NWD2: variants seen among roughly 807,000 people sequenced by gnomAD.
NWD2 encodes the protein NACHT and WD repeat domain containing 2, also known as NACHT and WD repeat domain-containing protein 2.
NWD2 carries 37 observed loss-of-function variants against 132.7 expected under a neutral mutation model. That is an observed-to-expected ratio of 0.28 (90% CI 0.21 to 0.37). The LOEUF is 0.37. Among genes scored for constraint, NWD2 ranks in the 10% least tolerant of loss-of-function variants. NWD2 has a pLI of 1.00. For synonymous variants in NWD2, 705 were observed against 803.0 expected (o/e 0.88, Z 2.06); for missense variants, 1,592 against 2,122.4 (o/e 0.75, Z 4.91).
intron 1 of NWD2, among the ~76,000 whole-genome samples, chr4:37,275,057 A>G (rs1349544951): frequency 2.0e-5 from 3 of 152,182 alleles, no homozygotes; most frequent in Non-Finnish European, 2.9e-5. Flanking sequence ...CCTATTCAAC[A>G]TAGTGTTGGA....
chr4:37,346,097 A>C (rs1719631109), intron 2 of NWD2, among the ~76,000 whole-genome samples: 1 of 152,028 alleles, frequency 6.6e-6, no homozygotes, highest in East Asian at 1.9e-4. Context: ...AAAAAAAAAA[A>C]AACCTACTAC....
At chr4:37,357,694 G>T (rs956158953) in intron 3 of NWD2, among the ~76,000 whole-genome samples, 3 of 152,078 alleles carry the variant, frequency 2.0e-5, no homozygotes, top group Non-Finnish European at 4.4e-5. Context: ...TGGGTGGAAG[G>T]GGGAGAGGGC....
chr4:37,274,270 A>G (rs1717940294), intron 1 of NWD2, among the ~76,000 whole-genome samples: 1 of 152,202 alleles, frequency 6.6e-6, no homozygotes, highest in Admixed American at 6.5e-5. Context: ...TCCCACAGAA[A>G]TACAAACTAC....
chr4:37,296,160 A>G (rs1718484543), intron 1 of NWD2, among the ~76,000 whole-genome samples: 1 of 152,128 alleles, frequency 6.6e-6, no homozygotes, highest in Non-Finnish European at 1.5e-5. Flanking sequence ...AATAGATTTC[A>G]CCATTTCACG....
At chr4:37,357,157 T>C (rs755733301) in intron 3 of NWD2, among the ~76,000 whole-genome samples, 4 of 146,318 alleles carry the variant, frequency 2.7e-5, no homozygotes, top group Non-Finnish European at 6.2e-5. Flanking sequence ...TTAATTTAGC[T>C]TAAGAAAGAC....
intron 1 of NWD2, among the ~76,000 whole-genome samples, chr4:37,245,539 G>T (rs2889380): frequency 0.16 from 23,558 of 147,232 alleles, 2,015 homozygotes; most frequent in Admixed American, 0.23. Context: ...ACCACCTCCT[G>T]TCCCCCGCCC....
intron 3 of NWD2, among the ~76,000 whole-genome samples, chr4:37,394,223 T>G (rs1720734609): frequency 6.6e-6 from 1 of 152,270 alleles, no homozygotes; most frequent in Non-Finnish European, 1.5e-5. Context: ...GCATCTGTTT[T>G]CATCGTAAGA....
chr4:37,402,858 C>G (rs1310542415), intron 3 of NWD2, among the ~76,000 whole-genome samples: 1 of 152,168 alleles, frequency 6.6e-6, no homozygotes, highest in Admixed American at 6.5e-5. Flanking sequence ...TCACTATTGT[C>G]TTTTGTCAGC....
At chr4:37,342,459 G>A (rs905937599) in intron 2 of NWD2, among the ~76,000 whole-genome samples, 1 of 152,094 alleles carries the variant, frequency 6.6e-6, no homozygotes, top group African/African-American at 2.4e-5. Flanking sequence ...TTCCTTTATA[G>A]CAACACAGAA....
At position 37,439,550 on chromosome 4, in the gene NWD2, G is replaced by A. The variant is rs752819972; in HGVS notation, c.1296+160G>A. On this transcript the variant is annotated intron_variant, in intron 6 of 6. Transcript: ENST00000309447. This position sits in a 1 kb window ranked among gnomAD's most constrained non-coding sequence, Gnocchi z 4.5. ...GTGCTTCTTTTTTGCTGGTATAACA[G>A]TTATATTGAGAGAGCAAAACTCATG... Among the ~76,000 whole-genome samples, 2 of 152,182 alleles carry A rather than the reference G, an allele frequency of 1.3e-5. No homozygotes were observed. The highest frequency in any genetic ancestry group is 2.9e-5 in the Non-Finnish European group (2 of 68,036).
At chr4:37,252,758 C>G (rs1358120644) in intron 1 of NWD2, among the ~76,000 whole-genome samples, 1 of 152,144 alleles carries the variant, frequency 6.6e-6, no homozygotes, top group South Asian at 2.1e-4. Flanking sequence ...GGAGTCCAGC[C>G]CAAGATTCCT....
chr4:37,291,204 G>A (rs879647519), intron 1 of NWD2, among the ~76,000 whole-genome samples: 4 of 151,826 alleles, frequency 2.6e-5, no homozygotes, highest in Non-Finnish European at 4.4e-5. Context: ...GTACCTCTTT[G>A]ATTTTCTTGC....
chr4:37,252,936 GAGA>G (rs952029980), intron 1 of NWD2, among the ~76,000 whole-genome samples: 3 of 152,122 alleles, frequency 2.0e-5, no homozygotes, highest in African/African-American at 7.2e-5. Context: ...TTATTAATGT[GAGA>G]AGAAGTATGT....
At chr4:37,328,315 A>G (rs1719216263) in intron 2 of NWD2, among the ~76,000 whole-genome samples, 2 of 152,214 alleles carry the variant, frequency 1.3e-5, no homozygotes, top group South Asian at 2.1e-4. Flanking sequence ...TTACATAGGT[A>G]TACATGTACC....
At chr4:37,397,300 C>T (rs534610411) in intron 3 of NWD2, among the ~76,000 whole-genome samples, 30 of 152,050 alleles carry the variant, frequency 2.0e-4, no homozygotes, top group South Asian at 4.2e-4. Context: ...TCAAATTCAC[C>T]GGGCCAGAGT....
chr4:37,381,178 A>C (rs1720445548), intron 3 of NWD2, among the ~76,000 whole-genome samples: 1 of 152,120 alleles, frequency 6.6e-6, no homozygotes, highest in Admixed American at 6.6e-5. Flanking sequence ...GCTGAATTCC[A>C]GCACAGCTAG....
At chr4:37,436,395 A>G (rs1712322806) in intron 5 of NWD2, among the ~76,000 whole-genome samples, 1 of 152,174 alleles carries the variant, frequency 6.6e-6, no homozygotes, top group Admixed American at 6.5e-5. Context: ...TTTGTATCAT[A>G]GCTCTCATTT....
intron 3 of NWD2, among the ~76,000 whole-genome samples, chr4:37,408,420 G>A (rs997914983): frequency 4.6e-5 from 7 of 152,222 alleles, no homozygotes; most frequent in Admixed American, 2.0e-4. Flanking sequence ...CCGCTGGAAA[G>A]TTCAAACTGG....
chr4:37,252,167 A>G (rs1717390396), intron 1 of NWD2, among the ~76,000 whole-genome samples: 2 of 152,374 alleles, frequency 1.3e-5, no homozygotes, highest in South Asian at 2.1e-4. Flanking sequence ...TGAGATCTCC[A>G]CAGGGAATAG....
Sources: gnomAD v4.1 joint callset for allele counts (sites outside exome capture counted in the v4.1 genomes callset) on GRCh38, gnomAD v4.1.1 for gene constraint, Gnocchi (gnomAD v3.1) non-coding constraint, MANE v1.5 for transcripts, NCBI Gene and HGNC (gene_info 2026-07-23, HGNC 2026-07-21) for gene names.